Variants in FUT9 observed in about 807,000 individuals in gnomAD.
FUT9 encodes fucosyltransferase 9, also known as 4-galactosyl-N-acetylglucosaminide 3-alpha-L-fucosyltransferase 9.
In FUT9, 15 loss-of-function variants were observed where a neutral mutation model predicts 29.7. The ratio of observed to expected loss-of-function variants is 0.51; its 90% CI spans 0.34 to 0.78. The LOEUF is 0.78. Ranked by LOEUF, FUT9 falls within the 30% of genes least tolerant of loss-of-function variation. The probability of loss-of-function intolerance (pLI) is 0.01; values close to 1 mark genes in which losing one functional copy is unlikely to be tolerated. For synonymous variants in FUT9, 169 were observed against 153.7 expected (o/e 1.10, Z -0.74); for missense variants, 319 against 425.4 (o/e 0.75, Z 2.20).
Position 96,203,672 on chromosome 6 carries a change from G to A in FUT9, c.517G>A (p.Val173Ile). The change falls in exon 3 of 3, where the codon GTA becomes ATA. Residue 173 changes from valine (V) to isoleucine (I), a missense_variant. Transcript: ENST00000302103. ...DIQVPYGFLT[V>I]STNPFVFEVP... ...CCAAGTGCCTTATGGCTTCTTGACG[G>A]TAAGCACAAATCCCTTCGTGTTTGA... The A allele has an allele frequency of 6.2e-7, 1 of 1,613,988 alleles. No individual in the cohort carries two copies. The highest frequency in any genetic ancestry group is 8.5e-7 in the Non-Finnish European group (1 of 1,179,982).
chr6:96,104,352 G>A (rs774437507), intron 1 of FUT9, among the ~76,000 whole-genome samples: 33 of 152,030 alleles, frequency 2.2e-4, no homozygotes, highest in Middle Eastern at 3.4e-3. Context: ...AATATTATTT[G>A]ACCAAATTAT....
intron 2 of FUT9, among the ~76,000 whole-genome samples, chr6:96,166,863 T>C (rs1390055560): frequency 6.6e-6 from 1 of 152,186 alleles, no homozygotes; most frequent in Non-Finnish European, 1.5e-5. Flanking sequence ...AGATTACTTA[T>C]CATACCCAAC....
chr6:96,065,518 A>G (rs75047025), intron 1 of FUT9, among the ~76,000 whole-genome samples: 2,885 of 152,204 alleles, frequency 0.019, 85 homozygotes, highest in African/African-American at 0.066. Context: ...ATATGATGGG[A>G]TGTGACCAGT....
chr6:96,189,953 T>C (rs1773475363), intron 2 of FUT9, among the ~76,000 whole-genome samples: 1 of 152,190 alleles, frequency 6.6e-6, no homozygotes, highest in African/African-American at 2.4e-5. Context: ...GTCATTATGA[T>C]GTTAGCTGGT....
chr6:96,120,338 T>C (rs1772000858), intron 2 of FUT9, among the ~76,000 whole-genome samples: 1 of 146,674 alleles, frequency 6.8e-6, no homozygotes, highest in Non-Finnish European at 1.5e-5. Context: ...TGGTGCGATC[T>C]CGGCCCAATG....
chr6:96,141,094 A>AT (rs923670731), intron 2 of FUT9, among the ~76,000 whole-genome samples: 2 of 152,178 alleles, frequency 1.3e-5, no homozygotes, highest in Admixed American at 1.3e-4. Flanking sequence ...AATTAATGAG[A>AT]TTTTTGAAAT....
chr6:96,078,841 A>G (rs1771187641), intron 1 of FUT9, among the ~76,000 whole-genome samples: 1 of 152,112 alleles, frequency 6.6e-6, no homozygotes, highest in Non-Finnish European at 1.5e-5. Flanking sequence ...GATATATTTC[A>G]TTTACCGTGA....
chr6:96,158,820 T>C (rs981708265), intron 2 of FUT9, among the ~76,000 whole-genome samples: 1 of 152,250 alleles, frequency 6.6e-6, no homozygotes, highest in East Asian at 1.9e-4. Context: ...TAGGCTTGAA[T>C]CCTCAGAACT....
chr6:96,032,355 G>A (rs1341137315), intron 1 of FUT9, among the ~76,000 whole-genome samples: 2 of 151,142 alleles, frequency 1.3e-5, no homozygotes, highest in Non-Finnish European at 3.0e-5. Context: ...ATTTATGAAT[G>A]TTGTTGTTTA....
rs1773994748 is a variant in FUT9 at position 96,214,260 on chromosome 6, C to A, written c.*10025C>A. ...ATCTTAACCAGTTTCATTCTATGAA[C>A]ATAATATTCTGGCAGCTTTTTCTAT... On this transcript the variant is annotated 3_prime_UTR_variant, in exon 3 of 3. Transcript: ENST00000302103. 6.0e-6 allele frequency: 1 copy of A among 166,798 alleles called. No individual in the cohort carries two copies. Among genetic ancestry groups the A allele is most frequent in the South Asian group, 2.1e-4 (1 of 4,834 alleles). The allele number at this position is 166,798 out of a possible 1,614,324, so 10.3% of individuals were successfully genotyped here.
intron 1 of FUT9, among the ~76,000 whole-genome samples, chr6:96,049,760 CTG>C (rs1208839658): frequency 6.6e-6 from 1 of 152,056 alleles, no homozygotes; most frequent in Non-Finnish European, 1.5e-5. Flanking sequence ...TTGAGCATCT[CTG>C]TTATTTTCAT....
intron 1 of FUT9, among the ~76,000 whole-genome samples, chr6:96,058,526 G>C (rs1367761333): frequency 6.9e-6 from 1 of 144,886 alleles, no homozygotes; most frequent in African/African-American, 2.5e-5. Flanking sequence ...TGAACACTTT[G>C]GAAATCCCTT....
At chr6:96,078,741 T>A (rs1461258166) in intron 1 of FUT9, among the ~76,000 whole-genome samples, 2 of 152,048 alleles carry the variant, frequency 1.3e-5, no homozygotes, top group African/African-American at 4.8e-5. Context: ...CTTAACCAAA[T>A]TTTTCATGAT....
chr6:96,203,020 A>C, intron 2 of FUT9, 128 bp from the exon 3 acceptor site: 1 of 698,650 alleles, frequency 1.4e-6, no homozygotes, highest in Non-Finnish European at 2.3e-6. Context: ...ATAACACTGA[A>C]AAGGAAAATG....
chr6:96,057,570 AT>A (rs1229091889), intron 1 of FUT9, among the ~76,000 whole-genome samples: 3 of 152,040 alleles, frequency 2.0e-5, no homozygotes, highest in African/African-American at 4.8e-5. Flanking sequence ...TTATAAACTT[AT>A]TTTTTTTAAA....
rs544143006 is a variant in FUT9 at position 96,051,006 on chromosome 6, C to A, written c.-98+34794C>A. Reference sequence around the variant, plus strand: ...TTTGTGGCGTGGATCATGTCTCTCTCTCTCTCTGTGTGTGTGTGTGTGTGT... The same window carrying A: ...TTTGTGGCGTGGATCATGTCTCTCTATCTCTCTGTGTGTGTGTGTGTGTGT... On this transcript the variant is annotated intron_variant, in intron 1 of 2. Coordinates refer to ENST00000302103, the MANE Select transcript of FUT9 (RefSeq NM_006581.4). Among the ~76,000 whole-genome samples the A allele has an allele frequency of 6.9e-5, 6 of 87,204 alleles. No individual in the cohort carries two copies. In the South Asian group the frequency reaches 2.5e-3, roughly 36 times the overall value. 57.2% of individuals were successfully genotyped at this position (87,204 alleles called of 152,430 possible). A position where few individuals can be genotyped will look rare whatever the true frequency, so the allele number is the denominator to read the frequency against.
chr6:96,046,240 C>CAT (rs1330506947), intron 1 of FUT9, among the ~76,000 whole-genome samples: 1 of 151,214 alleles, frequency 6.6e-6, no homozygotes, highest in African/African-American at 2.4e-5. Context: ...CACACACACA[C>CAT]ACACCCCTGA....
chr6:96,086,168 C>T (rs1402451633), intron 1 of FUT9, among the ~76,000 whole-genome samples: 1 of 152,168 alleles, frequency 6.6e-6, no homozygotes, highest in Non-Finnish European at 1.5e-5. Context: ...CCAGACTTTT[C>T]TCCAGACCGC....
chr6:96,112,521 T>C (rs1282130253), intron 1 of FUT9, among the ~76,000 whole-genome samples: 2 of 152,224 alleles, frequency 1.3e-5, no homozygotes, highest in Non-Finnish European at 2.9e-5. Flanking sequence ...TTATTTTTCT[T>C]TCAAGCATAG....
Sources: gnomAD v4.1 joint callset for allele counts (sites outside exome capture counted in the v4.1 genomes callset) on GRCh38, gnomAD v4.1.1 for gene constraint, MANE v1.5 for transcripts, NCBI Gene and HGNC (gene_info 2026-07-23, HGNC 2026-07-21) for gene names.